The following SHISA6 variants were observed in gnomAD, a reference collection of about 807,000 sequenced individuals.
SHISA6 encodes the protein shisa family member 6.
A neutral mutation model predicts 47.9 loss-of-function variants in SHISA6; 22 were observed. The observed-to-expected ratio is 0.46, with a 90% CI of 0.33 to 0.66. SHISA6 has a LOEUF of 0.66. Ranked by LOEUF, SHISA6 falls within the 30% of genes least tolerant of loss-of-function variation. SHISA6 has a pLI of 0.02. For missense variants in SHISA6, 680 were observed against 764.6 expected, an observed-to-expected ratio of 0.89 and a Z score of 1.30; for synonymous variants, 388 against 337.8, an observed-to-expected ratio of 1.15 and a Z score of -1.63.
intron 1 of SHISA6, among the ~76,000 whole-genome samples, chr17:11,246,600 G>A (rs1907603331): frequency 2.0e-5 from 3 of 152,332 alleles, no homozygotes; most frequent in African/African-American, 7.2e-5. Context: ...AAGGCAGAAA[G>A]AAGCAAAAAT....
rs2072066249 is a variant in SHISA6, at chr17:11,563,625, T to A, written c.*5321T>A. On this transcript the variant is annotated 3_prime_UTR_variant, in exon 6 of 6. Coordinates refer to ENST00000441885, the MANE Select transcript of SHISA6 (RefSeq NM_207386.4). ...TGGGAGGACTCATTCATTGGCTTTG[T>A]AGTGGCAAATATTCCTCTAGTTCTA... The A allele has an allele frequency of 6.6e-6, 1 of 152,218 alleles. No individual in the cohort carries two copies. Among genetic ancestry groups the A allele is most frequent in the Non-Finnish European group, 1.5e-5 (1 of 68,040 alleles). The allele number at this position is 152,218 out of a possible 1,614,324, so 9.4% of individuals were successfully genotyped here. A position where few individuals can be genotyped will look rare whatever the true frequency, so the allele number is the denominator to read the frequency against.
At chr17:11,409,393 G>A (rs531970945) in intron 3 of SHISA6, among the ~76,000 whole-genome samples, 1 of 152,160 alleles carries the variant, frequency 6.6e-6, no homozygotes, top group Non-Finnish European at 1.5e-5. Context: ...AGTTCATGGG[G>A]CTCTTGTCCA....
At chr17:11,310,155 A>G (rs768104956) in intron 2 of SHISA6, among the ~76,000 whole-genome samples, 34 of 152,204 alleles carry the variant, frequency 2.2e-4, no homozygotes, top group Non-Finnish European at 3.2e-4. Flanking sequence ...AGTCTCCATT[A>G]TACATGCTAT....
chr17:11,393,477 C>T (rs991437236), intron 3 of SHISA6, among the ~76,000 whole-genome samples: 1 of 152,322 alleles, frequency 6.6e-6, no homozygotes, highest in African/African-American at 2.4e-5. Context: ...AGCAGCCAGA[C>T]TGATCTAACT....
intron 3 of SHISA6, among the ~76,000 whole-genome samples, chr17:11,446,977 C>T (rs142650807): frequency 6.6e-6 from 1 of 152,186 alleles, no homozygotes; most frequent in African/African-American, 2.4e-5. Flanking sequence ...ACTTTTGCCC[C>T]ACTAAGAACC....
chr17:11,389,967 G>A (rs1435635400), intron 3 of SHISA6, among the ~76,000 whole-genome samples: 3 of 152,216 alleles, frequency 2.0e-5, no homozygotes. Context: ...GGAGAAAACA[G>A]CCTCTCAATC....
intron 3 of SHISA6, among the ~76,000 whole-genome samples, chr17:11,441,626 G>T (rs1915094423): frequency 6.6e-6 from 1 of 152,204 alleles, no homozygotes; most frequent in Non-Finnish European, 1.5e-5. Context: ...ACAAGATGTT[G>T]TTAGTAGTGA....
chr17:11,394,090 G>GC (rs754209762), intron 3 of SHISA6, among the ~76,000 whole-genome samples: 5 of 152,082 alleles, frequency 3.3e-5, no homozygotes, highest in Non-Finnish European at 7.3e-5. Flanking sequence ...CCTAATGCCT[G>GC]TCTTTGCCCC....
At chr17:11,340,693 G>A (rs1162047020) in intron 2 of SHISA6, among the ~76,000 whole-genome samples, 3 of 152,150 alleles carry the variant, frequency 2.0e-5, no homozygotes, top group Non-Finnish European at 4.4e-5. Flanking sequence ...TATATTCACA[G>A]CTCAGAGTCT....
chr17:11,313,038 T>C (rs2142188461), intron 2 of SHISA6, among the ~76,000 whole-genome samples: 1 of 152,300 alleles, frequency 6.6e-6, no homozygotes, highest in Middle Eastern at 3.4e-3. Context: ...AACTTCAAGC[T>C]ACCAACTCCT....
At chr17:11,402,273 C>T (rs1301771355) in intron 3 of SHISA6, among the ~76,000 whole-genome samples, 1 of 152,204 alleles carries the variant, frequency 6.6e-6, no homozygotes. Context: ...AGCCCACCAA[C>T]CTGCCATAGT....
intron 2 of SHISA6, among the ~76,000 whole-genome samples, chr17:11,274,518 G>A (rs974957159): frequency 2.7e-5 from 4 of 150,682 alleles, no homozygotes; most frequent in South Asian, 2.1e-4. Context: ...GATGTGGAGC[G>A]TGGAGCTCTC....
intron 3 of SHISA6, among the ~76,000 whole-genome samples, chr17:11,498,467 C>T (rs2071425745): frequency 6.6e-6 from 1 of 152,084 alleles, no homozygotes; most frequent in Admixed American, 6.5e-5. Context: ...AGTGGGGTGA[C>T]TATAGTTAAT....
At chr17:11,413,733 A>T (rs1053921018) in intron 3 of SHISA6, among the ~76,000 whole-genome samples, 12 of 152,090 alleles carry the variant, frequency 7.9e-5, no homozygotes, top group Admixed American at 2.6e-4. Context: ...TTTCCAAAGG[A>T]GGGCAGAGCC....
intron 3 of SHISA6, among the ~76,000 whole-genome samples, chr17:11,393,167 C>G (rs774913940): frequency 1.3e-4 from 20 of 152,156 alleles, no homozygotes; most frequent in Non-Finnish European, 2.1e-4. Context: ...CCTTTTCCTC[C>G]AAATTCCTCT....
At chr17:11,454,891 TG>T (rs1915494972) in intron 3 of SHISA6, among the ~76,000 whole-genome samples, 2 of 152,144 alleles carry the variant, frequency 1.3e-5, no homozygotes, top group Admixed American at 1.3e-4. Flanking sequence ...TTCAATGGGC[TG>T]GGCACGGTAG....
chr17:11,557,957 T>C lies in SHISA6; in HGVS notation c.1309T>C (p.Tyr437His), dbSNP rs1356776659. ...RGLPDEFSMP[Y>H]DRILSDEQLL... ...CCTGCCAGATGAGTTCAGCATGCCC[T>C]ACGACCGCATCCTGTCCGACGAGCA... Residue 437 changes from tyrosine to histidine, a missense_variant, in exon 6 of 6, where the codon TAC becomes CAC. Physicochemically the swap from Tyr to His is moderately conservative, Grantham distance 83. Coordinates refer to ENST00000441885, the MANE Select transcript of SHISA6 (RefSeq NM_207386.4). 3 of 1,551,504 alleles carry C rather than the reference T, an allele frequency of 1.9e-6. No homozygotes were observed. In the South Asian group the frequency reaches 3.6e-5, roughly 18 times the overall value.
chr17:11,531,823 AAAGAT>A (rs992237159), intron 3 of SHISA6, among the ~76,000 whole-genome samples: 3 of 152,224 alleles, frequency 2.0e-5, no homozygotes, highest in African/African-American at 7.2e-5. Context: ...AAAATTGCTT[AAAGAT>A]TAGATTTTAA....
intron 2 of SHISA6, among the ~76,000 whole-genome samples, chr17:11,368,901 C>A (rs1341359491): frequency 1.3e-5 from 2 of 152,194 alleles, no homozygotes; most frequent in Non-Finnish European, 2.9e-5. Flanking sequence ...GTGATCCGCC[C>A]ACCTCAGCCT....
Sources: allele counts gnomAD v4.1 joint callset (sites outside exome capture counted in the v4.1 genomes callset), GRCh38; gene constraint gnomAD v4.1.1; transcripts MANE v1.5; gene names NCBI Gene and HGNC (gene_info 2026-07-23, HGNC 2026-07-21).